NIPBL: variants seen among roughly 807,000 people sequenced by gnomAD.
The protein encoded by NIPBL is nipped-B-like protein.
A neutral mutation model predicts 321.8 loss-of-function variants in NIPBL; 19 were observed. That is an observed-to-expected ratio of 0.06 (90% CI 0.04 to 0.09). The LOEUF is 0.09. Among genes scored for constraint, NIPBL ranks in the 10% least tolerant of loss-of-function variants. NIPBL has a pLI of 1.00. For synonymous variants in NIPBL, 1,106 were observed against 1,114.1 expected, an observed-to-expected ratio of 0.99 and a Z score of 0.14; for missense variants, 2,210 against 3,327.0, an observed-to-expected ratio of 0.66 and a Z score of 8.26.
At chr5:36,962,556 GT>G (rs898298068) in intron 6 of NIPBL, among the ~76,000 whole-genome samples, 53 of 152,234 alleles carry the variant, frequency 3.5e-4, no homozygotes, top group African/African-American at 1.1e-3. Context: ...GAAGAACTGC[GT>G]TTTTAAAAAT....
chr5:37,064,995 A>G lies in NIPBL; in HGVS notation c.*103A>G. ...AAAAAAATCAGTTTTATGAAGAGTAAGTGGAACCTGGGATGCAGGAACAAA... is the reference window on the plus strand; with the variant it reads ...AAAAAAATCAGTTTTATGAAGAGTAGGTGGAACCTGGGATGCAGGAACAAA... On this transcript the variant is annotated 3_prime_UTR_variant, in exon 47 of 47. Coordinates refer to ENST00000282516, the MANE Select transcript of NIPBL (RefSeq NM_133433.4). The G allele has an allele frequency of 7.2e-7, 1 of 1,395,210 alleles. No individual in the cohort carries two copies. Among genetic ancestry groups the G allele is most frequent in the Non-Finnish European group, 1.0e-6 (1 of 997,950 alleles). 86.4% of individuals were successfully genotyped at this position (1,395,210 alleles called of 1,614,324 possible).
intron 6 of NIPBL, among the ~76,000 whole-genome samples, chr5:36,965,920 C>T (rs901725820): frequency 6.6e-6 from 1 of 151,974 alleles, no homozygotes; most frequent in South Asian, 2.1e-4. Flanking sequence ...AGAAAGGTTG[C>T]ATTTTTTTTC....
At chr5:37,009,712 G>C (rs770643971) in intron 20 of NIPBL, among the ~76,000 whole-genome samples, 9 of 152,126 alleles carry the variant, frequency 5.9e-5, no homozygotes, top group Non-Finnish European at 1.0e-4. Flanking sequence ...AATACCAAAT[G>C]AATAACAGAT....
Position 37,020,549 on chromosome 5 carries a change from T to C in NIPBL, c.5101T>C (p.Ser1701Pro), listed in dbSNP as rs139819353. Residue 1701 changes from serine to proline, a missense_variant, in exon 26 of 47, where the codon TCT becomes CCT. Around this residue, in one of 14 missense-constraint regions of NIPBL, gnomAD observed 138 missense variants for 175.8 expected, o/e 0.79. Coordinates refer to ENST00000282516, the MANE Select transcript of NIPBL (RefSeq NM_133433.4). ...GAAATCACAAAAAGATGAAGAATCA[T>C]CTGAAGGAACACATCATGCAAAGGA... ...AMKSQKDEES[S>P]EGTHHAKEIE... 6.8e-5 allele frequency: 110 copies of C among 1,613,952 alleles called. No individual in the cohort carries two copies. The highest frequency in any genetic ancestry group is 6.7e-4 in the Admixed American group (40 of 60,012).
chr5:37,015,478 T>C (rs1748847085), intron 22 of NIPBL, among the ~76,000 whole-genome samples: 1 of 151,892 alleles, frequency 6.6e-6, no homozygotes, highest in Admixed American at 6.6e-5. Context: ...CTCACACCTG[T>C]AATCCCAGCA....
chr5:37,052,773 T>G (rs1753704077), intron 42 of NIPBL, among the ~76,000 whole-genome samples: 1 of 152,204 alleles, frequency 6.6e-6, no homozygotes, highest in Non-Finnish European at 1.5e-5. Context: ...AGGAATAATG[T>G]ATAATTTTGC....
rs370823399 is a variant in NIPBL, at chr5:36,985,410, C to T, written c.2230C>T (p.Pro744Ser). Residue 744 changes from proline to serine, a missense_variant, in exon 10 of 47, where the codon CCT becomes TCT. Physicochemically the swap from Pro to Ser is moderately conservative, Grantham distance 74 (BLOSUM62 -1). Transcript: ENST00000282516. ...TCCAAAGCAAAAAGGTGAGAGCCGC[C>T]CTGAAACTCCAAAGCAAAAAAATGA... ...ETPKQKGESR[P>S]ETPKQKNEGR... 1.2e-6 allele frequency: 2 copies of T among 1,613,574 alleles called. No homozygotes were observed. Among genetic ancestry groups the T allele is most frequent in the Admixed American group, 3.3e-5 (2 of 59,860 alleles).
At position 36,961,518 on chromosome 5, in the gene NIPBL, T is replaced by A; in HGVS notation, c.393T>A (p.Asn131Lys). Reference sequence around the variant, plus strand: ...TGTCTCAGTATAAACTTTCTCAGAATTCCATGCACAGTAGTCCTGCATCTT... The same window carrying A: ...TGTCTCAGTATAAACTTTCTCAGAAATCCATGCACAGTAGTCCTGCATCTT... ...MMMSQYKLSQ[N>K]SMHSSPASSN... The change falls in exon 5 of 47, where the codon AAT (asparagine) becomes AAA (lysine). Residue 131 changes from asparagine (N) to lysine (K), a missense_variant. By Grantham distance (94) the Asn-to-Lys change is moderately conservative (BLOSUM62 0). Transcript: ENST00000282516. 1 of 1,612,290 alleles carries A rather than the reference T, an allele frequency of 6.2e-7. No homozygotes were observed. Among genetic ancestry groups the A allele is most frequent in the Non-Finnish European group, 8.5e-7 (1 of 1,178,462 alleles).
chr5:37,057,429 C>T (rs555827639), intron 43 of NIPBL, 97 bp downstream of exon 43: 22 of 1,208,878 alleles, frequency 1.8e-5, no homozygotes, highest in Admixed American at 7.2e-5. Context: ...ATCCTCTTCA[C>T]GAGTATATAA....
chr5:37,028,836 A>G (rs906897075), intron 32 of NIPBL, among the ~76,000 whole-genome samples: 2 of 152,100 alleles, frequency 1.3e-5, no homozygotes, highest in African/African-American at 4.8e-5. Context: ...GTTGGTTTGC[A>G]GTTGCTTTGG....
Position 36,877,697 on chromosome 5 carries a change from T to G in NIPBL, c.-80+519T>G, listed in dbSNP as rs1745200907. Among the ~76,000 whole-genome samples, 5 of 152,324 alleles carry G rather than the reference T, an allele frequency of 3.3e-5. No homozygotes were observed. In the South Asian group the frequency reaches 1.0e-3, roughly 32 times the overall value. On this transcript the variant is annotated intron_variant, in intron 1 of 46. Coordinates refer to ENST00000282516, the MANE Select transcript of NIPBL (RefSeq NM_133433.4). ...TGACCCCATGAAGGGAGGAAGTAGT[T>G]TCAGTTAGTGAGACAAACGTAAATA...
In NIPBL at chr5:37,007,960, C is replaced by T. The variant is rs140932715; in HGVS notation, c.4240-48C>T. The T allele has an allele frequency of 2.5e-3, 2,677 of 1,075,436 alleles. 7 individuals are homozygous for T. Among genetic ancestry groups the T allele is most frequent in the Middle Eastern group, 0.01 (49 of 4,882 alleles). The allele number at this position is 1,075,436 out of a possible 1,614,324, so 66.6% of individuals were successfully genotyped here. On this transcript the variant is annotated intron_variant, in intron 18 of 46. Transcript: ENST00000282516. ...TGGAATTTAGTAAGATAGAATGTTACTGAAATCAACTAAAGGTGTATACTA... is the reference window on the plus strand; with the variant it reads ...TGGAATTTAGTAAGATAGAATGTTATTGAAATCAACTAAAGGTGTATACTA...
At chr5:36,988,911 A>T (rs1745151290) in intron 10 of NIPBL, among the ~76,000 whole-genome samples, 1 of 152,048 alleles carries the variant, frequency 6.6e-6, no homozygotes. Context: ...TAGATTACTT[A>T]TTTTTGTCTT....
rs1388552505 is a variant in NIPBL, at chr5:36,955,607, A to G, written c.200A>G (p.His67Arg). 4.3e-6 allele frequency: 7 copies of G among 1,614,020 alleles called. No homozygotes were observed. The highest frequency in any genetic ancestry group is 2.2e-5 in the East Asian group (1 of 44,850). Residue 67 changes from histidine to arginine, a missense_variant, in exon 3 of 47, where the codon CAT becomes CGT. His to Arg is a conservative substitution (Grantham distance 29). This residue lies in a region of NIPBL where 464 missense variants were observed against 529.5 expected (regional missense o/e 0.88). Coordinates refer to ENST00000282516, the MANE Select transcript of NIPBL (RefSeq NM_133433.4). ...RDDNLVSQLV[H>R]SLNQVSTDHI... Reference sequence around the variant, plus strand: ...GACAATTTGGTTTCACAGCTTGTCCATAGCCTCAACCAGGTATCAACAGAT... The same window carrying G: ...GACAATTTGGTTTCACAGCTTGTCCGTAGCCTCAACCAGGTATCAACAGAT...
intron 38 of NIPBL, 53 bp from the exon 39 acceptor site, chr5:37,048,449 T>C: frequency 9.0e-7 from 1 of 1,112,244 alleles, no homozygotes; most frequent in Non-Finnish European, 1.2e-6. Context: ...TTATTAAATG[T>C]TTTATTTAAT....
chr5:36,907,193 A>G (rs1314163674), intron 1 of NIPBL, among the ~76,000 whole-genome samples: 2 of 152,182 alleles, frequency 1.3e-5, no homozygotes, highest in African/African-American at 4.8e-5. Context: ...CCCAAAGGTG[A>G]TGTTATGCTC....
intron 40 of NIPBL, among the ~76,000 whole-genome samples, chr5:37,049,853 A>G (rs1258462109): frequency 1.3e-5 from 2 of 152,364 alleles, no homozygotes; most frequent in East Asian, 3.9e-4. Flanking sequence ...CTGATGGTCA[A>G]GAGAGCACCA....
At chr5:37,062,524 G>A (rs946785905) in intron 45 of NIPBL, among the ~76,000 whole-genome samples, 2 of 151,834 alleles carry the variant, frequency 1.3e-5, no homozygotes, top group Non-Finnish European at 2.9e-5. Flanking sequence ...GTTTAATGAG[G>A]ACAGCTGTGG....
At chr5:37,038,930 T>C (rs1454114462) in intron 34 of NIPBL, among the ~76,000 whole-genome samples, 192 bp downstream of exon 34, 10 of 152,220 alleles carry the variant, frequency 6.6e-5, no homozygotes, top group Admixed American at 3.3e-4. Context: ...TCCATTTTGC[T>C]GTAAACTCCT....
Sources: gnomAD v4.1 joint callset for allele counts (sites outside exome capture counted in the v4.1 genomes callset) on GRCh38, gnomAD v4.1.1 for gene constraint, gnomAD v4.1.1 regional missense constraint, MANE v1.5 for transcripts, NCBI Gene and HGNC (gene_info 2026-07-23, HGNC 2026-07-21) for gene names.